NALF1: variants seen among roughly 807,000 people sequenced by gnomAD.
NALF1 encodes family with sequence similarity 155 member A.
A neutral mutation model predicts 48.4 loss-of-function variants in NALF1; 3 were observed. That is an observed-to-expected ratio of 0.06 (90% CI 0.03 to 0.16). The LOEUF is 0.16. NALF1 is among the 10% of genes least tolerant of loss of function. The pLI is 1.00. For missense variants in NALF1, 526 were observed against 571.5 expected, an observed-to-expected ratio of 0.92 and a Z score of 0.81; for synonymous variants, 262 against 245.7, an observed-to-expected ratio of 1.07 and a Z score of -0.62.
At chr13:107,773,696 A>C (rs1476558279) in intron 1 of NALF1, among the ~76,000 whole-genome samples, 1 of 115,224 alleles carries the variant, frequency 8.7e-6, no homozygotes, top group Non-Finnish European at 1.6e-5. Context: ...ACATGGACAC[A>C]GGAAGGGGAA....
intron 1 of NALF1, among the ~76,000 whole-genome samples, chr13:107,532,846 G>A (rs183315581): frequency 2.0e-4 from 30 of 151,928 alleles, no homozygotes; most frequent in Admixed American, 8.5e-4. Context: ...AGTTTCTAAC[G>A]TAATATTGCA....
intron 1 of NALF1, among the ~76,000 whole-genome samples, chr13:107,404,834 A>G (rs1883872419): frequency 1.3e-5 from 2 of 152,064 alleles, no homozygotes; most frequent in South Asian, 2.1e-4. Context: ...TTACAATGAG[A>G]GTATAATTTA....
intron 2 of NALF1, among the ~76,000 whole-genome samples, chr13:107,179,725 T>C (rs985914377): frequency 6.7e-6 from 1 of 149,522 alleles, no homozygotes; most frequent in Non-Finnish European, 1.5e-5. Context: ...AGGCTGGAAG[T>C]CTGAGATCAA....
At chr13:107,453,792 A>C (rs762695923) in intron 1 of NALF1, among the ~76,000 whole-genome samples, 3 of 152,182 alleles carry the variant, frequency 2.0e-5, no homozygotes, top group Non-Finnish European at 4.4e-5. Flanking sequence ...ATAAGTTCCA[A>C]TTCCAAACCC....
intron 1 of NALF1, among the ~76,000 whole-genome samples, chr13:107,216,037 CAAAT>C (rs1879866767): frequency 2.0e-5 from 3 of 152,194 alleles, no homozygotes; most frequent in African/African-American, 7.2e-5. Flanking sequence ...TTGTCAGCTT[CAAAT>C]CAAGAGGCTA....
intron 1 of NALF1, among the ~76,000 whole-genome samples, chr13:107,710,196 A>C (rs1875523002): frequency 6.6e-6 from 1 of 152,122 alleles, no homozygotes; most frequent in African/African-American, 2.4e-5. Context: ...AAGAAAAGAA[A>C]GGAAAAGAAA....
At chr13:107,240,040 A>G (rs1880435335) in intron 1 of NALF1, among the ~76,000 whole-genome samples, 1 of 152,216 alleles carries the variant, frequency 6.6e-6, no homozygotes, top group Non-Finnish European at 1.5e-5. Context: ...AATGTCACTT[A>G]CAAGTCACAC....
At chr13:107,553,599 T>C (rs1037708324) in intron 1 of NALF1, among the ~76,000 whole-genome samples, 24 of 152,238 alleles carry the variant, frequency 1.6e-4, no homozygotes, top group African/African-American at 5.3e-4. Context: ...CTTCTCTTAA[T>C]GTCCTAGTTG....
chr13:107,763,989 C>A (rs1877348316), intron 1 of NALF1, among the ~76,000 whole-genome samples: 1 of 152,122 alleles, frequency 6.6e-6, no homozygotes, highest in African/African-American at 2.4e-5. Flanking sequence ...TTAGTTTGGT[C>A]TGAGAGCCTT....
Position 107,367,065 on chromosome 13 carries a change from C to G in NALF1, c.916-156310G>C, listed in dbSNP as rs537064439. Among the ~76,000 whole-genome samples, 3 of 152,140 alleles carry G rather than the reference C, an allele frequency of 2.0e-5. No individual in the cohort carries two copies. The Middle Eastern group carries it at 0.01, about 517-fold the overall frequency. ...TATTGGGGACAACTAGTCCCTTGCA[C>G]AAGGATGAAAACAAAAGGGCAAACG... On this transcript the variant is annotated intron_variant, in intron 1 of 2. Transcript: ENST00000375915.
intron 1 of NALF1, among the ~76,000 whole-genome samples, chr13:107,644,638 C>CATATATATATATATATATAT (rs1170442694): frequency 2.1e-4 from 9 of 43,320 alleles, no homozygotes; most frequent in Admixed American, 7.1e-4. Context: ...TACATACATA[C>CATATATATATATATATATAT]ATACATACAT....
At chr13:107,816,397 A>G (rs772813121) in intron 1 of NALF1, among the ~76,000 whole-genome samples, 4 of 152,192 alleles carry the variant, frequency 2.6e-5, no homozygotes, top group Admixed American at 6.5e-5. Flanking sequence ...GGAAGGCAAA[A>G]GGCACTTCTT....
At chr13:107,536,531 A>G (rs1284698002) in intron 1 of NALF1, among the ~76,000 whole-genome samples, 2 of 152,198 alleles carry the variant, frequency 1.3e-5, no homozygotes, top group African/African-American at 2.4e-5. Flanking sequence ...ACAATGAGAT[A>G]CCATCTCACA....
intron 1 of NALF1, among the ~76,000 whole-genome samples, chr13:107,430,121 A>G (rs1397139576): frequency 6.6e-5 from 10 of 152,226 alleles, no homozygotes; most frequent in African/African-American, 1.4e-4. Context: ...GAAAGATTCT[A>G]GAACTTATTT....
intron 1 of NALF1, among the ~76,000 whole-genome samples, chr13:107,440,910 TA>T (rs1327723943): frequency 6.6e-6 from 1 of 152,066 alleles, no homozygotes; most frequent in Non-Finnish European, 1.5e-5. Flanking sequence ...TCGGTATAAA[TA>T]AACAAGACCG....
intron 1 of NALF1, among the ~76,000 whole-genome samples, chr13:107,619,806 C>G (rs1263375394): frequency 6.6e-6 from 1 of 152,078 alleles, no homozygotes; most frequent in Non-Finnish European, 1.5e-5. Flanking sequence ...TTGGTGTGTA[C>G]AATTTAGACC....
rs1566439963 is a variant in NALF1, at chr13:107,170,553, CGGCTG to C, written c.1316_1320del (p.Thr439ArgfsTer17). ...GTGTTGATGCCTCCAAAGCTCAGTC[CGGCTG>C]TGTTCTGTGCTGCCGAGGCTGTGAG... On this transcript the variant is annotated frameshift_variant, in exon 3 of 3. Transcript: ENST00000375915. LOFTEE classifies it high-confidence loss of function. 6.2e-7 allele frequency: 1 copy of C among 1,613,730 alleles called. No individual in the cohort carries two copies. The highest frequency in any genetic ancestry group is 1.3e-5 in the African/African-American group (1 of 75,030).
At chr13:107,513,188 T>A (rs1344359944) in intron 1 of NALF1, among the ~76,000 whole-genome samples, 1 of 152,192 alleles carries the variant, frequency 6.6e-6, no homozygotes, top group Non-Finnish European at 1.5e-5. Flanking sequence ...ATCTTTGATA[T>A]TGGGGTCTAT....
chr13:107,594,857 C>A (rs1878697671), intron 1 of NALF1, among the ~76,000 whole-genome samples: 1 of 151,674 alleles, frequency 6.6e-6, no homozygotes, highest in Admixed American at 6.6e-5. Context: ...ACCCTTGTAA[C>A]AAATCTATAC....
Sources: allele counts gnomAD v4.1 joint callset (sites outside exome capture counted in the v4.1 genomes callset), GRCh38; gene constraint gnomAD v4.1.1; transcripts MANE v1.5; gene names NCBI Gene and HGNC (gene_info 2026-07-23, HGNC 2026-07-21).